UHRF2: variants seen among roughly 807,000 people sequenced by gnomAD.
UHRF2 encodes ubiquitin like with PHD and ring finger domains 2, also known as E3 ubiquitin-protein ligase UHRF2.
Under a neutral mutation model 96.8 loss-of-function variants are expected in UHRF2, and 23 were observed. The ratio of observed to expected loss-of-function variants is 0.24; its 90% CI spans 0.17 to 0.34. The LOEUF is 0.34. UHRF2 is among the 10% of genes least tolerant of loss of function. The pLI is 1.00. For missense variants in UHRF2, 685 were observed against 981.5 expected (o/e 0.70, Z 4.04); for synonymous variants, 385 against 332.6 (o/e 1.16, Z -1.72).
chr9:6,481,086 C>T (rs1040286162), intron 6 of UHRF2, among the ~76,000 whole-genome samples: 6 of 151,982 alleles, frequency 3.9e-5, no homozygotes, highest in African/African-American at 1.4e-4. Context: ...AGGCAGTTTA[C>T]GAAATACAAG....
chr9:6,420,703 T>C (rs892500397), intron 1 of UHRF2, among the ~76,000 whole-genome samples: 1 of 142,300 alleles, frequency 7.0e-6, no homozygotes, highest in Admixed American at 7.1e-5. Flanking sequence ...TGAGACACCG[T>C]CTCAAAAAAA....
chr9:6,500,958 T>C (rs1363418395), intron 14 of UHRF2, among the ~76,000 whole-genome samples: 3 of 152,332 alleles, frequency 2.0e-5, no homozygotes, highest in Non-Finnish European at 2.9e-5. Context: ...GAGGTACTGT[T>C]CCTCAGAAGA....
At chr9:6,498,462 A>G (rs1445974164) in intron 12 of UHRF2, 2 of 205,978 alleles carry the variant, frequency 9.7e-6, no homozygotes, top group Non-Finnish European at 1.9e-5. Flanking sequence ...AAATTTAGGT[A>G]TAGGAGGCCC....
At chr9:6,441,212 C>G (rs1394487977) in intron 3 of UHRF2, among the ~76,000 whole-genome samples, 1 of 151,860 alleles carries the variant, frequency 6.6e-6, no homozygotes, top group Non-Finnish European at 1.5e-5. Context: ...AACCCAGTCT[C>G]TACAAAAAAA....
At chr9:6,440,081 T>G (rs1587794846) in intron 3 of UHRF2, among the ~76,000 whole-genome samples, 1 of 152,186 alleles carries the variant, frequency 6.6e-6, no homozygotes, top group African/African-American at 2.4e-5. Context: ...AAAGTTAAGA[T>G]TAACATTTTT....
At chr9:6,459,262 A>T (rs899570328) in intron 3 of UHRF2, among the ~76,000 whole-genome samples, 1 of 152,248 alleles carries the variant, frequency 6.6e-6, no homozygotes, top group East Asian at 1.9e-4. Flanking sequence ...TTTCAGGGAA[A>T]ATGGAGACTA....
intron 3 of UHRF2, among the ~76,000 whole-genome samples, chr9:6,451,911 C>T (rs1305416204): frequency 2.0e-5 from 3 of 151,900 alleles, no homozygotes; most frequent in African/African-American, 7.3e-5. Context: ...CAGCCTCCCA[C>T]CTAGTTTTTT....
chr9:6,433,347 A>C (rs926784336), intron 2 of UHRF2, among the ~76,000 whole-genome samples: 2 of 152,212 alleles, frequency 1.3e-5, no homozygotes, highest in African/African-American at 4.8e-5. Context: ...TTGAGGTGGT[A>C]GATAAATGTA....
intron 3 of UHRF2, among the ~76,000 whole-genome samples, chr9:6,452,704 G>C (rs551444988): frequency 6.6e-6 from 1 of 152,312 alleles, no homozygotes; most frequent in Admixed American, 6.5e-5. Flanking sequence ...ACTTCTAAGA[G>C]CATGAAGGGT....
chr9:6,469,562 C>T (rs777726531), intron 4 of UHRF2, among the ~76,000 whole-genome samples: 1 of 151,442 alleles, frequency 6.6e-6, no homozygotes, highest in East Asian at 1.9e-4. Flanking sequence ...TAAGACACAG[C>T]AGAAGATAGG....
chr9:6,443,773 G>A (rs986599886), intron 3 of UHRF2, among the ~76,000 whole-genome samples: 4 of 152,194 alleles, frequency 2.6e-5, no homozygotes, highest in African/African-American at 4.8e-5. Context: ...GAAATCAAAT[G>A]AAATGTTACA....
chr9:6,489,913 A>G (rs1302009019), intron 9 of UHRF2, among the ~76,000 whole-genome samples: 1 of 152,148 alleles, frequency 6.6e-6, no homozygotes. Flanking sequence ...CAGTGCATTT[A>G]CATTAACATG....
intron 4 of UHRF2, chr9:6,468,633 G>A: frequency 2.2e-6 from 1 of 456,074 alleles, no homozygotes; most frequent in Non-Finnish European, 4.4e-6. Flanking sequence ...GATGCCTCAA[G>A]CATATGGCCT....
chr9:6,462,139 T>A (rs1165110160), intron 4 of UHRF2, among the ~76,000 whole-genome samples: 1 of 152,176 alleles, frequency 6.6e-6, no homozygotes, highest in Non-Finnish European at 1.5e-5. Flanking sequence ...GCCCACTAGC[T>A]GCCTATTTTT....
intron 3 of UHRF2, among the ~76,000 whole-genome samples, chr9:6,434,821 CATCT>C (rs1268108649): frequency 6.6e-6 from 1 of 151,950 alleles, no homozygotes; most frequent in Non-Finnish European, 1.5e-5. Context: ...ATTAGAGTGA[CATCT>C]ATATGTGTAT....
chr9:6,487,182 CT>C (rs1171978950), intron 9 of UHRF2, among the ~76,000 whole-genome samples: 6,019 of 69,534 alleles, frequency 0.087, 9 homozygotes, highest in Admixed American at 0.11. Context: ...TTTTTTTTTC[CT>C]TTTTTTTTTT....
chr9:6,488,357 A>G (rs1824439576), intron 9 of UHRF2, among the ~76,000 whole-genome samples: 2 of 146,634 alleles, frequency 1.4e-5, no homozygotes, highest in South Asian at 2.2e-4. Flanking sequence ...CAGTGGTGAC[A>G]TCTTGCAAAA....
intron 4 of UHRF2, among the ~76,000 whole-genome samples, chr9:6,470,477 A>G (rs907471870): frequency 6.6e-6 from 1 of 152,220 alleles, no homozygotes; most frequent in Admixed American, 6.5e-5. Context: ...CCATCAACAG[A>G]CAGGCACTAA....
chr9:6,431,309 G>A (rs1031590533), intron 2 of UHRF2, among the ~76,000 whole-genome samples: 2 of 152,078 alleles, frequency 1.3e-5, no homozygotes, highest in Admixed American at 1.3e-4. Context: ...ATATTTAGTA[G>A]GATAATCCTT....
Sources: allele counts gnomAD v4.1 joint callset (sites outside exome capture counted in the v4.1 genomes callset), GRCh38; gene constraint gnomAD v4.1.1; transcripts MANE v1.5; gene names NCBI Gene and HGNC (gene_info 2026-07-23, HGNC 2026-07-21).